The following METTL9 variants were observed in gnomAD, a reference collection of about 807,000 sequenced individuals.
METTL9 encodes the protein protein-L-histidine N-pros-methyltransferase.
A neutral mutation model predicts 36.0 loss-of-function variants in METTL9; 10 were observed. That is an observed-to-expected ratio of 0.28 (90% CI 0.17 to 0.47). The LOEUF is 0.47. METTL9 is among the 20% of genes least tolerant of loss of function. METTL9 has a pLI of 0.99. For missense variants in METTL9, 246 were observed against 383.5 expected (o/e 0.64, Z 3.00); for synonymous variants, 175 against 149.7 (o/e 1.17, Z -1.23).
intron 3 of METTL9, 25 bp downstream of exon 3, chr16:21,618,099 C>T (rs1420373070): frequency 7.0e-7 from 1 of 1,437,980 alleles, no homozygotes. Flanking sequence ...GTTTTAGATG[C>T]ATTTCTTCTT....
intron 1 of METTL9, among the ~76,000 whole-genome samples, 160 bp downstream of exon 1, chr16:21,600,058 G>A (rs1255143003): frequency 1.3e-5 from 2 of 151,862 alleles, no homozygotes; most frequent in Middle Eastern, 3.2e-3. Context: ...CCCGCCGGGC[G>A]TCGACTCCGC....
intron 4 of METTL9, among the ~76,000 whole-genome samples, chr16:21,637,590 C>A (rs991230367): frequency 1.3e-5 from 2 of 152,272 alleles, no homozygotes; most frequent in Non-Finnish European, 1.5e-5. Context: ...CTAGCCTGGG[C>A]ACTCCAGCAG....
At chr16:21,625,198 A>T (rs1488731345) in intron 4 of METTL9, 83 bp downstream of exon 4, 2 of 1,432,030 alleles carry the variant, frequency 1.4e-6, no homozygotes, top group Non-Finnish European at 2.0e-6. Context: ...ACAATTAAAT[A>T]TTGTCTAGTA....
chr16:21,598,428 T>A (rs1965003970), upstream of METTL9, among the ~76,000 whole-genome samples: 1 of 152,108 alleles, frequency 6.6e-6, no homozygotes, highest in South Asian at 2.1e-4. Context: ...CCCCACTGTT[T>A]CATAAATGAA....
chr16:21,630,639 A>G (rs780792664), intron 4 of METTL9, among the ~76,000 whole-genome samples: 1 of 152,186 alleles, frequency 6.6e-6, no homozygotes, highest in Non-Finnish European at 1.5e-5. Context: ...GGAACTCTTT[A>G]GGCCAGTGGA....
At chr16:21,642,310 C>T (rs1966293427) in intron 4 of METTL9, 1 of 152,176 alleles carries the variant, frequency 6.6e-6, no homozygotes. Flanking sequence ...GCTTTGGCAG[C>T]ACTTACACTA....
intron 4 of METTL9, chr16:21,644,178 T>A (rs1165976195): frequency 2.8e-6 from 2 of 726,438 alleles, no homozygotes; most frequent in African/African-American, 3.5e-5. Flanking sequence ...CAGGAAAATG[T>A]TAATTAGGGA....
intron 4 of METTL9, among the ~76,000 whole-genome samples, chr16:21,648,684 C>A (rs1259236311): frequency 6.6e-6 from 1 of 152,240 alleles, no homozygotes; most frequent in African/African-American, 2.4e-5. Flanking sequence ...CTAAACCCTT[C>A]TTTTGCGGCA....
chr16:21,617,974 G>C lies in METTL9; in HGVS notation c.466G>C (p.Asp156His). The change falls in exon 3 of 5, where the codon GAT (aspartate) becomes CAT (histidine). Residue 156 changes from aspartate (D) to histidine (H), a missense_variant. Asp to His is a moderately conservative substitution (Grantham distance 81). Around this residue, in one of 2 missense-constraint regions of METTL9, gnomAD observed 146 missense variants for 302.1 expected, o/e 0.48. Transcript: ENST00000358154. ...THRLLDLGAGDGEVTKIMSPH... is the reference protein window; with the variant it reads ...THRLLDLGAGHGEVTKIMSPH... ...CAGACTTCTTGATTTAGGTGCTGGA[G>C]ATGGAGAAGTCACAAAAATCATGAG... is the stretch of plus-strand genomic sequence containing the variant. The C allele has an allele frequency of 6.2e-7, 1 of 1,613,756 alleles. No homozygotes were observed. The highest frequency in any genetic ancestry group is 8.5e-7 in the Non-Finnish European group (1 of 1,179,888).
intron 4 of METTL9, among the ~76,000 whole-genome samples, chr16:21,632,516 A>T (rs1335573473): frequency 2.0e-5 from 3 of 152,154 alleles, no homozygotes; most frequent in South Asian, 4.1e-4. Context: ...TCTGGACTAT[A>T]ATTTATTGGT....
chr16:21,621,890 G>A (rs888540794), intron 3 of METTL9, among the ~76,000 whole-genome samples: 2 of 150,544 alleles, frequency 1.3e-5, no homozygotes, highest in Non-Finnish European at 3.0e-5. Flanking sequence ...TTTGGGAGAC[G>A]GAATCTCTCC....
At chr16:21,627,736 C>T (rs934873848) in intron 4 of METTL9, among the ~76,000 whole-genome samples, 1 of 152,076 alleles carries the variant, frequency 6.6e-6, no homozygotes, top group African/African-American at 2.4e-5. Flanking sequence ...ATCATGAGGT[C>T]AGGAGATCGA....
intron 1 of METTL9, among the ~76,000 whole-genome samples, chr16:21,603,619 T>C (rs1199823673): frequency 6.6e-6 from 1 of 152,192 alleles, no homozygotes; most frequent in South Asian, 2.1e-4. Flanking sequence ...TTGCACCTAG[T>C]GCTTAAAGTT....
At chr16:21,647,389 T>G in intron 4 of METTL9, 1 of 1,614,100 alleles carries the variant, frequency 6.2e-7, no homozygotes, top group Non-Finnish European at 8.5e-7. Flanking sequence ...CAGAAGGGCA[T>G]CCGGTTGCGG....
chr16:21,613,889 T>C (rs1358960799), intron 2 of METTL9, among the ~76,000 whole-genome samples: 1 of 150,250 alleles, frequency 6.7e-6, no homozygotes, highest in Non-Finnish European at 1.5e-5. Flanking sequence ...CCTAAGGACC[T>C]AGAATCTAAA....
intron 1 of METTL9, among the ~76,000 whole-genome samples, chr16:21,600,809 C>T (rs888284212): frequency 6.6e-6 from 1 of 152,276 alleles, no homozygotes; most frequent in Admixed American, 6.5e-5. Flanking sequence ...TTGAACTCTG[C>T]CAGAGTGTTG....
chr16:21,613,145 CAG>C (rs916221110), intron 2 of METTL9, among the ~76,000 whole-genome samples: 17 of 131,696 alleles, frequency 1.3e-4, no homozygotes, highest in Admixed American at 2.5e-4. Flanking sequence ...GTTAGTACAT[CAG>C]GGGCTAGGTC....
At chr16:21,616,349 G>T (rs1438492410) in intron 2 of METTL9, among the ~76,000 whole-genome samples, 2 of 152,180 alleles carry the variant, frequency 1.3e-5, no homozygotes, top group Non-Finnish European at 2.9e-5. Flanking sequence ...AACAGCAGCA[G>T]CTCTCTTAGG....
rs1597760081 is a variant in METTL9 at position 21,626,939 on chromosome 16, A to G, written c.751+1824A>G. On this transcript the variant is annotated intron_variant, in intron 4 of 4. Coordinates refer to ENST00000358154, the MANE Select transcript of METTL9 (RefSeq NM_016025.5). ...TTTCCTTGTGTTTCTGATGCTAAAAATGGAGAGGAAGTCAAACTAGACAAG... is the reference window on the plus strand; with the variant it reads ...TTTCCTTGTGTTTCTGATGCTAAAAGTGGAGAGGAAGTCAAACTAGACAAG... 15 of 985,036 alleles carry G rather than the reference A, an allele frequency of 1.5e-5. No homozygotes were observed. In the South Asian group the frequency reaches 6.6e-4, roughly 43 times the overall value. The allele number at this position is 985,036 out of a possible 1,614,324, so 61.0% of individuals were successfully genotyped here. A position where few individuals can be genotyped will look rare whatever the true frequency, so the allele number is the denominator to read the frequency against.
Sources: gnomAD v4.1 joint callset for allele counts (sites outside exome capture counted in the v4.1 genomes callset) on GRCh38, gnomAD v4.1.1 for gene constraint, gnomAD v4.1.1 regional missense constraint, MANE v1.5 for transcripts, NCBI Gene and HGNC (gene_info 2026-07-23, HGNC 2026-07-21) for gene names.